Variants in BANK1 observed in about 807,000 individuals in gnomAD.
BANK1 encodes the protein B cell scaffold protein with ankyrin repeats 1, also known as B-cell scaffold protein with ankyrin repeats.
Under a neutral mutation model 94.5 loss-of-function variants are expected in BANK1, and 95 were observed. The ratio of observed to expected loss-of-function variants is 1.00; its 90% confidence interval spans 0.85 to 1.19. The LOEUF is 1.19. BANK1 is among the 50% of genes most tolerant of loss of function. The pLI, the probability that BANK1 is intolerant of heterozygous loss-of-function variation, is 0.00. For missense variants in BANK1, 987 were observed against 932.2 expected, an observed-to-expected ratio of 1.06 and a Z score of -0.77; for synonymous variants, 334 against 308.4, an observed-to-expected ratio of 1.08 and a Z score of -0.87.
At chr4:101,973,009 A>G (rs1469891067) in intron 7 of BANK1, among the ~76,000 whole-genome samples, 1 of 151,986 alleles carries the variant, frequency 6.6e-6, no homozygotes, top group East Asian at 1.9e-4. Flanking sequence ...TGATGGTCAC[A>G]TGATGATCAC....
chr4:101,929,312 T>G (rs911727245), intron 7 of BANK1, among the ~76,000 whole-genome samples: 5 of 151,632 alleles, frequency 3.3e-5, no homozygotes, highest in African/African-American at 1.2e-4. Context: ...AACATCAGAT[T>G]GTTGGAAGGT....
At chr4:101,865,747 C>T (rs77068789) in intron 4 of BANK1, among the ~76,000 whole-genome samples, 5,406 of 152,116 alleles carry the variant, frequency 0.036, 132 homozygotes, top group Non-Finnish European at 0.057. Context: ...CTTATGGTTA[C>T]CACAACAGGA....
chr4:101,877,606 G>A (rs558767231), intron 5 of BANK1, among the ~76,000 whole-genome samples: 21 of 152,028 alleles, frequency 1.4e-4, no homozygotes, highest in African/African-American at 1.9e-4. Flanking sequence ...AATTATTATC[G>A]GCTTAAAATA....
intron 7 of BANK1, among the ~76,000 whole-genome samples, chr4:102,009,046 G>T (rs1295741625): frequency 1.3e-5 from 2 of 152,208 alleles, no homozygotes; most frequent in African/African-American, 4.8e-5. Context: ...GTTTTATAAT[G>T]TCTTACTTGT....
chr4:101,880,769 A>G (rs1015960397), intron 5 of BANK1, among the ~76,000 whole-genome samples: 1 of 152,064 alleles, frequency 6.6e-6, no homozygotes, highest in African/African-American at 2.4e-5. Flanking sequence ...AACAAATCCA[A>G]ACACCTACAG....
intron 7 of BANK1, among the ~76,000 whole-genome samples, chr4:102,014,462 AT>A (rs1367648911): frequency 6.6e-6 from 1 of 152,154 alleles, no homozygotes; most frequent in Non-Finnish European, 1.5e-5. Flanking sequence ...AGATTCAGAA[AT>A]TATCTCTTAG....
intron 7 of BANK1, among the ~76,000 whole-genome samples, chr4:101,922,384 A>G (rs1256356392): frequency 6.6e-6 from 1 of 151,810 alleles, no homozygotes; most frequent in Non-Finnish European, 1.5e-5. Flanking sequence ...AAATGGCAGC[A>G]TATCCTGCTT....
chr4:102,069,999 T>C (rs1560719777), intron 13 of BANK1, among the ~76,000 whole-genome samples: 1 of 152,100 alleles, frequency 6.6e-6, no homozygotes, highest in Non-Finnish European at 1.5e-5. Flanking sequence ...GTGGCAAATA[T>C]CCAGGTTACC....
intron 7 of BANK1, among the ~76,000 whole-genome samples, chr4:101,947,744 A>G (rs1356804033): frequency 1.3e-5 from 2 of 152,012 alleles, no homozygotes; most frequent in South Asian, 2.1e-4. Flanking sequence ...TGTTCTCCAA[A>G]TTATTTTCTT....
At chr4:102,012,293 G>A (rs1009852586) in intron 7 of BANK1, among the ~76,000 whole-genome samples, 1 of 152,102 alleles carries the variant, frequency 6.6e-6, no homozygotes, top group Non-Finnish European at 1.5e-5. Context: ...AGTTGAAGCC[G>A]TCAGGCTAAA....
At chr4:101,916,545 T>A (rs1019113931) in intron 6 of BANK1, among the ~76,000 whole-genome samples, 1 of 152,050 alleles carries the variant, frequency 6.6e-6, no homozygotes, top group Non-Finnish European at 1.5e-5. Flanking sequence ...TTTGATTACT[T>A]CAATTTAATT....
chr4:101,973,919 C>T (rs192248724), intron 7 of BANK1, among the ~76,000 whole-genome samples: 58 of 151,898 alleles, frequency 3.8e-4, no homozygotes, highest in Admixed American at 9.2e-4. Context: ...GAATTTCAGA[C>T]CAATGCTCTG....
intron 2 of BANK1, among the ~76,000 whole-genome samples, chr4:101,839,281 G>A (rs1726942467): frequency 6.6e-6 from 1 of 151,888 alleles, no homozygotes; most frequent in Non-Finnish European, 1.5e-5. Flanking sequence ...GAAATTACAT[G>A]GTTTTTTTCA....
In BANK1 at chr4:101,979,271, A is replaced by C. The variant is rs547009037; in HGVS notation, c.1207-42243A>C. ...AGAAAAAAAACAGACTGCCTCTGGT[A>C]GTGTTTAAAATTGTATAACATTAGT... On this transcript the variant is annotated intron_variant, in intron 7 of 16. Transcript: ENST00000322953. Among the ~76,000 whole-genome samples the C allele has an allele frequency of 1.2e-4, 18 of 152,112 alleles. No individual in the cohort carries two copies. The South Asian group carries it at 3.7e-3, about 31-fold the overall frequency.
In BANK1 at chr4:101,918,019, C is replaced by G; in HGVS notation, c.1036C>G (p.Leu346Val). ...TACTCATTTCAAAGAACTTCCAACTCTTCTCCACTGTGCAGCAAAATTTGG... is the reference window on the plus strand; with the variant it reads ...TACTCATTTCAAAGAACTTCCAACTGTTCTCCACTGTGCAGCAAAATTTGG... ...KYTHFKELPT[L>V]LHCAAKFGLK... is the part of the protein sequence containing the mutation. The change falls in exon 7 of 17, where the codon CTT (leucine) becomes GTT (valine). Residue 346 changes from leucine to valine, a missense_variant. By Grantham distance (32) the Leu-to-Val change is conservative. Coordinates refer to ENST00000322953, the MANE Select transcript of BANK1 (RefSeq NM_017935.5). 6.2e-7 allele frequency: 1 copy of G among 1,609,990 alleles called. No homozygotes were observed. The highest frequency in any genetic ancestry group is 8.5e-7 in the Non-Finnish European group (1 of 1,177,234).
intron 7 of BANK1, among the ~76,000 whole-genome samples, chr4:101,928,050 T>G (rs1578403354): frequency 6.6e-6 from 1 of 151,656 alleles, no homozygotes; most frequent in Admixed American, 6.6e-5. Context: ...AACATGTGTA[T>G]GTATATTTGT....
At chr4:102,025,621 C>A in intron 9 of BANK1, 112 bp downstream of exon 9, 1 of 957,964 alleles carries the variant, frequency 1.0e-6, no homozygotes, top group Non-Finnish European at 1.5e-6. Flanking sequence ...CTTTTGAAAC[C>A]AATAGCAACA....
chr4:102,049,064 G>A (rs1403782396), intron 11 of BANK1, among the ~76,000 whole-genome samples: 1 of 152,150 alleles, frequency 6.6e-6, no homozygotes, highest in Non-Finnish European at 1.5e-5. Flanking sequence ...GTTTGGAATT[G>A]ATCAGGATTT....
chr4:102,042,444 AT>A (rs1727731732), intron 10 of BANK1, among the ~76,000 whole-genome samples: 1 of 151,956 alleles, frequency 6.6e-6, no homozygotes, highest in South Asian at 2.1e-4. Flanking sequence ...TTTGAAACAT[AT>A]TTTGCCTCTT....
Sources: gnomAD v4.1 joint callset for allele counts (sites outside exome capture counted in the v4.1 genomes callset) on GRCh38, gnomAD v4.1.1 for gene constraint, MANE v1.5 for transcripts, NCBI Gene and HGNC (gene_info 2026-07-23, HGNC 2026-07-21) for gene names.